The following SPIRE1 variants were observed in gnomAD, a reference collection of about 807,000 sequenced individuals.
SPIRE1 encodes the protein spire type actin nucleation factor 1.
Under a neutral mutation model 94.1 loss-of-function variants are expected in SPIRE1, and 40 were observed. The observed-to-expected ratio is 0.43, with a 90% CI of 0.33 to 0.55. The LOEUF (loss-of-function observed/expected upper bound fraction) is 0.55, where lower values mean the gene tolerates loss of function less well. Ranked by LOEUF, SPIRE1 falls within the 20% of genes least tolerant of loss-of-function variation. SPIRE1 has a pLI of 0.06. For synonymous variants in SPIRE1, 376 were observed against 371.7 expected (o/e 1.01, Z -0.13); for missense variants, 838 against 975.2 (o/e 0.86, Z 1.87).
At position 12,557,713 on chromosome 18, in the gene SPIRE1, AAT is replaced by A. The variant is rs151266769; in HGVS notation, c.373-10811_373-10810del. Among the ~76,000 whole-genome samples the A allele has an allele frequency of 5.2e-3, 759 of 146,922 alleles. 1 individual carries two copies. The highest frequency in any genetic ancestry group is 7.2e-3 in the Non-Finnish European group (481 of 66,534). ...TTGTCACCTCTCACTACAATATACA[AAT>A]ATATATATATATATATAAAATACCA... On this transcript the variant is annotated intron_variant, in intron 2 of 16. Coordinates refer to ENST00000409402, the MANE Select transcript of SPIRE1 (RefSeq NM_001128626.2).
chr18:12,525,270 C>G lies in SPIRE1; in HGVS notation c.729+10206G>C, dbSNP rs1424525988. On this transcript the variant is annotated intron_variant, in intron 4 of 16. Coordinates refer to ENST00000409402, the MANE Select transcript of SPIRE1 (RefSeq NM_001128626.2). The stretch of plus-strand genomic sequence containing the variant: ...CCAGCCTGGGCGACAGAGTGAGACT[C>G]CGTCTCAAAAAAAAAAAAAAAAAAA... Among the ~76,000 whole-genome samples the G allele has an allele frequency of 8.8e-4, 83 of 94,356 alleles. 2 individuals are homozygous for G. The highest frequency in any genetic ancestry group is 2.4e-4 in the Non-Finnish European group (12 of 50,696). 61.9% of individuals were successfully genotyped at this position (94,356 alleles called of 152,430 possible).
chr18:12,605,842 C>T (rs1390398664), intron 2 of SPIRE1, among the ~76,000 whole-genome samples: 1 of 151,506 alleles, frequency 6.6e-6, no homozygotes, highest in Non-Finnish European at 1.5e-5. Flanking sequence ...CAGATGAGAG[C>T]TTACTGTACC....
chr18:12,660,676 A>AT (rs1175303457), upstream of SPIRE1, among the ~76,000 whole-genome samples: 2 of 151,912 alleles, frequency 1.3e-5, no homozygotes, highest in Admixed American at 6.6e-5. Context: ...TTGAGTGATG[A>AT]TTTTTTTTAA....
chr18:12,632,045 CAAA>C (rs36021269), intron 2 of SPIRE1, among the ~76,000 whole-genome samples: 10 of 143,298 alleles, frequency 7.0e-5, no homozygotes, highest in Non-Finnish European at 1.2e-4. Flanking sequence ...ACTCTGTCTC[CAAA>C]AAAAAAAAAG....
At chr18:12,572,660 T>TGTG (rs1567942195) in intron 2 of SPIRE1, among the ~76,000 whole-genome samples, 1 of 152,016 alleles carries the variant, frequency 6.6e-6, no homozygotes, top group Non-Finnish European at 1.5e-5. Context: ...GAAGATACAC[T>TGTG]GTGGTACTGG....
At chr18:12,492,594 T>C (rs1168661456) in intron 8 of SPIRE1, among the ~76,000 whole-genome samples, 4 of 152,208 alleles carry the variant, frequency 2.6e-5, no homozygotes, top group Non-Finnish European at 5.9e-5. Flanking sequence ...ACATCTATCA[T>C]CTATATTTTT....
At chr18:12,477,726 C>T (rs75260000) in intron 10 of SPIRE1, among the ~76,000 whole-genome samples, 23 of 152,194 alleles carry the variant, frequency 1.5e-4, no homozygotes, top group African/African-American at 5.3e-4. Flanking sequence ...TAAGACAAAG[C>T]GAGGCCACGC....
At chr18:12,482,786 A>G (rs2032890086) in intron 9 of SPIRE1, among the ~76,000 whole-genome samples, 1 of 152,142 alleles carries the variant, frequency 6.6e-6, no homozygotes, top group Non-Finnish European at 1.5e-5. Context: ...TAATTGACTG[A>G]GACTACTGAA....
chr18:12,449,290 C>A lies in SPIRE1; in HGVS notation c.*348G>T. ...TCGGCATCTCTGTTAGACTGATTCTCGTAGGAGAAGCTTTTTTTTTTTGCC... is the reference window on the plus strand; with the variant it reads ...TCGGCATCTCTGTTAGACTGATTCTAGTAGGAGAAGCTTTTTTTTTTTGCC... On this transcript the variant is annotated 3_prime_UTR_variant, in exon 17 of 17. Transcript: ENST00000409402. 1 of 278,922 alleles carries A rather than the reference C, an allele frequency of 3.6e-6. No individual in the cohort carries two copies. 17.3% of individuals were successfully genotyped at this position (278,922 alleles called of 1,614,324 possible). A position where few individuals can be genotyped will look rare whatever the true frequency, so the allele number is the denominator to read the frequency against.
At chr18:12,458,337 C>A (rs1027982165) in intron 12 of SPIRE1, among the ~76,000 whole-genome samples, 1 of 151,508 alleles carries the variant, frequency 6.6e-6, no homozygotes, top group South Asian at 2.1e-4. Flanking sequence ...GAAGGCCAGG[C>A]GCAGTGGCTC....
intron 2 of SPIRE1, among the ~76,000 whole-genome samples, chr18:12,599,149 C>T (rs956312486): frequency 7.2e-5 from 11 of 152,170 alleles, no homozygotes; most frequent in Non-Finnish European, 1.0e-4. Flanking sequence ...AGAAATTTAA[C>T]ATCTAATCCA....
At chr18:12,593,443 C>T (rs1272713696) in intron 2 of SPIRE1, among the ~76,000 whole-genome samples, 2 of 152,158 alleles carry the variant, frequency 1.3e-5, no homozygotes, top group African/African-American at 4.8e-5. Context: ...TGTTATTATG[C>T]TTATCTGATA....
At chr18:12,644,863 G>GC in intron 1 of SPIRE1, among the ~76,000 whole-genome samples, 1 of 152,250 alleles carries the variant, frequency 6.6e-6, no homozygotes, top group South Asian at 2.1e-4. Flanking sequence ...GTAACAAAAT[G>GC]CCCCCACATA....
intron 2 of SPIRE1, among the ~76,000 whole-genome samples, chr18:12,590,090 CTTT>C (rs33962566): frequency 2.1e-5 from 3 of 142,976 alleles, no homozygotes; most frequent in Non-Finnish European, 1.5e-5. Flanking sequence ...CTCCTAATTT[CTTT>C]TTTTTTTTTT....
chr18:12,556,636 C>T (rs1003531435), intron 2 of SPIRE1, among the ~76,000 whole-genome samples: 1 of 152,144 alleles, frequency 6.6e-6, no homozygotes, highest in African/African-American at 2.4e-5. Flanking sequence ...ATGAGTGTTA[C>T]AGCTCTTAAA....
Position 12,449,664 on chromosome 18 carries a change from A to C in SPIRE1, c.2245T>G (p.Ser749Ala). 1 of 1,614,154 alleles carries C rather than the reference A, an allele frequency of 6.2e-7. No individual in the cohort carries two copies. The highest frequency in any genetic ancestry group is 8.5e-7 in the Non-Finnish European group (1 of 1,180,018). Residue 749 changes from serine to alanine, a missense_variant, in exon 17 of 17, where the codon TCA becomes GCA. Ser to Ala is a moderately conservative substitution (Grantham distance 99). This residue lies in a region of SPIRE1 where 645 missense variants were observed against 804.7 expected (regional missense o/e 0.80). Coordinates refer to ENST00000409402, the MANE Select transcript of SPIRE1 (RefSeq NM_001128626.2). ...CAGATCTCACTGATCGTCCTCTCTG[A>C]AGGGCAGTACTCCGAGGGGCCTGGC... ...SSPGPSEYCP[S>A]ERTISEI
chr18:12,637,790 C>T (rs2037974711), intron 1 of SPIRE1, among the ~76,000 whole-genome samples: 1 of 152,170 alleles, frequency 6.6e-6, no homozygotes, highest in African/African-American at 2.4e-5. Flanking sequence ...AAGTCAGGAA[C>T]ATCTTTTTGT....
chr18:12,574,669 T>C (rs1369381601), intron 2 of SPIRE1, among the ~76,000 whole-genome samples: 1 of 152,214 alleles, frequency 6.6e-6, no homozygotes, highest in Non-Finnish European at 1.5e-5. Flanking sequence ...TTCCCTGGCA[T>C]GTCATTGGTT....
Position 12,463,378 on chromosome 18 carries a change from C to T in SPIRE1, c.1611G>A (p.Pro537=), listed in dbSNP as rs374599478. 1.1e-4 allele frequency: 173 copies of T among 1,613,554 alleles called. No homozygotes were observed. The highest frequency in any genetic ancestry group is 1.7e-4 in the Admixed American group (10 of 59,998). Residue 537 remains proline, a synonymous_variant, in exon 12 of 17, where the codon CCG becomes CCA. Transcript: ENST00000409402. The stretch of plus-strand genomic sequence containing the variant: ...GAGAGCGGGAACTCTGCCTGGAAGG[C>T]GGCAGGAACTGCCTCACGTTAGTAG... ...ETPTNVRQFL[P]PSRQSSRSLE... is the part of the protein sequence containing the mutation.
Sources: gnomAD v4.1 joint callset for allele counts (sites outside exome capture counted in the v4.1 genomes callset) on GRCh38, gnomAD v4.1.1 for gene constraint, gnomAD v4.1.1 regional missense constraint, MANE v1.5 for transcripts, NCBI Gene and HGNC (gene_info 2026-07-23, HGNC 2026-07-21) for gene names.